Variants in PXK observed in about 807,000 individuals in gnomAD.
PXK encodes PX domain-containing protein kinase-like protein.
In PXK, 35 loss-of-function variants were observed where a neutral mutation model predicts 84.7. That is an observed-to-expected ratio of 0.41 (90% CI 0.32 to 0.55). The LOEUF is 0.55. Ranked by LOEUF, PXK falls within the 20% of genes least tolerant of loss-of-function variation. The pLI, the probability that PXK is intolerant of heterozygous loss-of-function variation, is 0.21. For synonymous variants in PXK, 253 were observed against 260.8 expected, an observed-to-expected ratio of 0.97 and a Z score of 0.29; for missense variants, 634 against 699.7, an observed-to-expected ratio of 0.91 and a Z score of 1.06.
chr3:58,333,129 C>T lies in PXK; in HGVS notation c.102+39C>T, dbSNP rs1371957440. Reference sequence around the variant, plus strand: ...CGGGCGGGCGGGCGGCGTGGGGCGGCCCCGGGCCGCGAGGGGGCTGCGGGC... The same window carrying T: ...CGGGCGGGCGGGCGGCGTGGGGCGGTCCCGGGCCGCGAGGGGGCTGCGGGC... On this transcript the variant is annotated intron_variant, in intron 1 of 17. Coordinates refer to ENST00000356151, the MANE Select transcript of PXK (RefSeq NM_017771.5). The surrounding 1 kb of genome is among the most constrained non-coding windows in gnomAD (Gnocchi z 5.4). 7 of 1,063,998 alleles carry T rather than the reference C, an allele frequency of 6.6e-6. No homozygotes were observed. In the South Asian group the frequency reaches 1.7e-4, roughly 26 times the overall value. The allele number at this position is 1,063,998 out of a possible 1,614,324, so 65.9% of individuals were successfully genotyped here.
rs1268068558 is a variant in PXK, at chr3:58,333,089, C to G, written c.101C>G (p.Thr34Arg). 8.3e-7 allele frequency: 1 copy of G among 1,201,996 alleles called. No homozygotes were observed. Among genetic ancestry groups the G allele is most frequent in the Middle Eastern group, 3.1e-4 (1 of 3,256 alleles). The allele number at this position is 1,201,996 out of a possible 1,614,324, so 74.5% of individuals were successfully genotyped here. The part of the protein sequence containing the change: ...IEASQSLQSH[T>R]EYIIRVQRGI... ...GCGAGCCAGAGCCTGCAGTCCCACA[C>G]GGTGCGCGGCCCAGCGGGCGGGCGG... The change falls in exon 1 of 18, where the codon ACG (threonine) becomes AGG (arginine). Residue 34 changes from threonine (T) to arginine (R), a missense_variant and splice_region_variant. By Grantham distance (71) the Thr-to-Arg change is moderately conservative. This residue lies in a region of PXK where 353 missense variants were observed against 385.2 expected (regional missense o/e 0.92). Transcript: ENST00000356151. This position sits in a 1 kb window ranked among gnomAD's most constrained non-coding sequence, Gnocchi z 5.4.
intron 13 of PXK, among the ~76,000 whole-genome samples, chr3:58,404,704 C>T (rs1365582069): frequency 1.3e-5 from 2 of 152,078 alleles, no homozygotes; most frequent in East Asian, 1.9e-4. Flanking sequence ...ACTATGAGTG[C>T]GATTTGGGTA....
chr3:58,363,706 T>A (rs1435557623), intron 1 of PXK, among the ~76,000 whole-genome samples: 1 of 152,186 alleles, frequency 6.6e-6, no homozygotes, highest in African/African-American at 2.4e-5. Context: ...TACGAACAGT[T>A]TTATTTCTTC....
chr3:58,355,317 G>A (rs986794120), intron 1 of PXK, among the ~76,000 whole-genome samples: 1 of 152,092 alleles, frequency 6.6e-6, no homozygotes, highest in Non-Finnish European at 1.5e-5. Context: ...GACAGGTTCT[G>A]CAAAACATCT....
intron 4 of PXK, among the ~76,000 whole-genome samples, chr3:58,387,925 C>T (rs2098575006): frequency 6.6e-6 from 1 of 152,114 alleles, no homozygotes; most frequent in African/African-American, 2.4e-5. Context: ...AGGCAAATCT[C>T]AGAGTGCAGA....
chr3:58,337,997 T>A (rs1003448824), intron 1 of PXK, among the ~76,000 whole-genome samples: 1 of 152,234 alleles, frequency 6.6e-6, no homozygotes, highest in Non-Finnish European at 1.5e-5. Flanking sequence ...AACTTCCTTT[T>A]AGAATGCTAC....
chr3:58,357,337 A>G (rs1318750682), intron 1 of PXK, among the ~76,000 whole-genome samples: 1 of 151,878 alleles, frequency 6.6e-6, no homozygotes, highest in South Asian at 2.1e-4. Flanking sequence ...CCTACACAGT[A>G]TCAAGATCAT....
At position 58,410,149 on chromosome 3, in the gene PXK, C is replaced by T. The variant is rs1488457295; in HGVS notation, c.1455C>T (p.Ser485=). Reference sequence around the variant, plus strand: ...AGCATTCAGCGAAGTACAGCAACTCCAATAATTCAGGTAACTGGTTATAGA... The same window carrying T: ...AGCATTCAGCGAAGTACAGCAACTCTAATAATTCAGGTAACTGGTTATAGA... ...SEEHSAKYSN[S]NNSAGSGASS... Residue 485 remains serine (S), a synonymous_variant, in exon 16 of 18, where the codon TCC becomes TCT. Transcript: ENST00000356151. The T allele has an allele frequency of 1.9e-6, 3 of 1,589,742 alleles. No homozygotes were observed. Among genetic ancestry groups the T allele is most frequent in the Non-Finnish European group, 1.7e-6 (2 of 1,157,672 alleles).
chr3:58,420,027 C>T (rs1341532621), intron 17 of PXK, among the ~76,000 whole-genome samples: 1 of 152,234 alleles, frequency 6.6e-6, no homozygotes, highest in African/African-American at 2.4e-5. Flanking sequence ...TAGGCCTGCT[C>T]ACACTCCTCC....
In PXK at chr3:58,397,735, T is replaced by G. The variant is rs781016584; in HGVS notation, c.1102+13T>G. On this transcript the variant is annotated intron_variant, in intron 11 of 17. Coordinates refer to ENST00000356151, the MANE Select transcript of PXK (RefSeq NM_017771.5). The surrounding 1 kb of genome is among the most constrained non-coding windows in gnomAD (Gnocchi z 4.7). ...TCCATGGCTGTGGGTCAGTATGGGG[T>G]TGGGAAGGGTCTTCTGGGCCCTAGT... 6.3e-7 allele frequency: 1 copy of G among 1,594,024 alleles called. No individual in the cohort carries two copies. The highest frequency in any genetic ancestry group is 2.2e-5 in the East Asian group (1 of 44,780).
At chr3:58,418,925 G>T (rs1399191035) in intron 17 of PXK, among the ~76,000 whole-genome samples, 2 of 152,088 alleles carry the variant, frequency 1.3e-5, no homozygotes, top group African/African-American at 4.8e-5. Flanking sequence ...AAGAGAAAAG[G>T]CATACAAGTT....
intron 17 of PXK, chr3:58,422,011 G>C (rs2061956409): frequency 1.0e-6 from 1 of 985,234 alleles, no homozygotes; most frequent in Non-Finnish European, 1.2e-6. Context: ...GAGCGCGCAG[G>C]CAGCAGGCAG....
intron 1 of PXK, among the ~76,000 whole-genome samples, chr3:58,358,298 A>G (rs1333176926): frequency 6.6e-6 from 1 of 152,024 alleles, no homozygotes; most frequent in African/African-American, 2.4e-5. Context: ...TTCTTGGTCT[A>G]CTCCCACTGC....
In PXK at chr3:58,425,214, G is replaced by A. The variant is rs1390952849; in HGVS notation, c.*254G>A. On this transcript the variant is annotated 3_prime_UTR_variant, in exon 18 of 18. Coordinates refer to ENST00000356151, the MANE Select transcript of PXK (RefSeq NM_017771.5). ...AAGGAGTCTTGTTTATCCTCTAATG[G>A]CCAGGCTTTTGGGACAGCAGCATAT... 4 of 452,002 alleles carry A rather than the reference G, an allele frequency of 8.8e-6. No homozygotes were observed. The highest frequency in any genetic ancestry group is 1.6e-5 in the Non-Finnish European group (4 of 252,734). 28.0% of individuals were successfully genotyped at this position (452,002 alleles called of 1,614,324 possible). A position where few individuals can be genotyped will look rare whatever the true frequency, so the allele number is the denominator to read the frequency against.
rs2060406288 is a variant in PXK, at chr3:58,412,864, T to C, written c.1466-37T>C. 1.9e-6 allele frequency: 3 copies of C among 1,609,250 alleles called. No individual in the cohort carries two copies. Among genetic ancestry groups the C allele is most frequent in the Non-Finnish European group, 2.6e-6 (3 of 1,175,688 alleles). On this transcript the variant is annotated intron_variant, in intron 16 of 17. Coordinates refer to ENST00000356151, the MANE Select transcript of PXK (RefSeq NM_017771.5). This position sits in a 1 kb window ranked among gnomAD's most constrained non-coding sequence, Gnocchi z 6.2. ...TGGGCCAAATTCCAAATGTCTTTCG[T>C]TGGTCCCCATGAGGGTTTCTCTGTG...
chr3:58,341,734 T>C (rs1375607628), intron 1 of PXK, among the ~76,000 whole-genome samples: 1 of 151,818 alleles, frequency 6.6e-6, no homozygotes, highest in Non-Finnish European at 1.5e-5. Flanking sequence ...TGAGGAGTCT[T>C]GCTTTGTTGC....
chr3:58,359,485 C>T (rs1457898090), intron 1 of PXK, among the ~76,000 whole-genome samples: 4 of 149,866 alleles, frequency 2.7e-5, no homozygotes, highest in Non-Finnish European at 4.4e-5. Context: ...GAGCCGAGAT[C>T]GCGCCACTGC....
chr3:58,370,854 C>G lies in PXK; in HGVS notation c.201+1376C>G, dbSNP rs191430628. ...TCTCTACTAAAAATACAAAAATTAGCTGGGTGTGGTGTGGGCGCCTGTAAT... is the reference window on the plus strand; with the variant it reads ...TCTCTACTAAAAATACAAAAATTAGGTGGGTGTGGTGTGGGCGCCTGTAAT... On this transcript the variant is annotated intron_variant, in intron 3 of 17. Coordinates refer to ENST00000356151, the MANE Select transcript of PXK (RefSeq NM_017771.5). This position sits in a 1 kb window ranked among gnomAD's most constrained non-coding sequence, Gnocchi z 4.2. Among the ~76,000 whole-genome samples, 85 of 150,284 alleles carry G rather than the reference C, an allele frequency of 5.7e-4. No homozygotes were observed. Among genetic ancestry groups the G allele is most frequent in the African/African-American group, 1.9e-3 (78 of 41,118 alleles).
At chr3:58,351,395 T>TTGTGTGTGTGTG (rs57349140) in intron 1 of PXK, among the ~76,000 whole-genome samples, 1,949 of 140,638 alleles carry the variant, frequency 0.014, 45 homozygotes, top group East Asian at 0.1. Flanking sequence ...AGCTAGCTAT[T>TTGTGTGTGTGTG]TGTGTGTGTG....
Sources: gnomAD v4.1 joint callset for allele counts (sites outside exome capture counted in the v4.1 genomes callset) on GRCh38, gnomAD v4.1.1 for gene constraint, gnomAD v4.1.1 regional missense constraint, Gnocchi (gnomAD v3.1) non-coding constraint, MANE v1.5 for transcripts, NCBI Gene and HGNC (gene_info 2026-07-23, HGNC 2026-07-21) for gene names.